The following SCNN1G variants were observed in gnomAD, a reference collection of about 807,000 sequenced individuals.
SCNN1G encodes sodium channel epithelial 1 subunit gamma, also known as epithelial sodium channel subunit gamma.
Under a neutral mutation model 64.6 loss-of-function variants are expected in SCNN1G, and 27 were observed. The observed-to-expected ratio is 0.42, with a 90% CI of 0.31 to 0.58. The LOEUF is 0.58. Among genes scored for constraint, SCNN1G ranks in the 20% least tolerant of loss-of-function variants. The pLI is 0.18. For synonymous variants in SCNN1G, 330 were observed against 314.2 expected (o/e 1.05, Z -0.53); for missense variants, 743 against 823.4 (o/e 0.90, Z 1.19).
rs149635780 is a variant in SCNN1G, at chr16:23,213,273, T to TTTTTA, written c.1493+110_1493+111insTTTTA. 1.2e-4 allele frequency: 81 copies of TTTTTA among 703,570 alleles called. 1 individual carries two copies. Among genetic ancestry groups the TTTTTA allele is most frequent in the Middle Eastern group, 3.2e-4 (1 of 3,106 alleles). 43.6% of individuals were successfully genotyped at this position (703,570 alleles called of 1,614,324 possible). ...TCCTCTTTTTTTTTTTTTTTTTTTT[T>TTTTTA]ATGGAGTCTTACTCTGTCACCCAGG... On this transcript the variant is annotated intron_variant, in intron 11 of 12. Transcript: ENST00000300061.
chr16:23,184,157 T>C (rs1959566913), intron 1 of SCNN1G, among the ~76,000 whole-genome samples: 1 of 151,902 alleles, frequency 6.6e-6, no homozygotes, highest in Non-Finnish European at 1.5e-5. Context: ...ATATTTTATC[T>C]GTTTTGCAAA....
At chr16:23,186,936 C>A (rs956759859) in intron 2 of SCNN1G, among the ~76,000 whole-genome samples, 1 of 151,938 alleles carries the variant, frequency 6.6e-6, no homozygotes, top group Non-Finnish European at 1.5e-5. Context: ...GTAGCTGGGA[C>A]TACAGGGGTG....
chr16:23,211,675 G>A (rs1960081249), intron 7 of SCNN1G, among the ~76,000 whole-genome samples: 1 of 152,050 alleles, frequency 6.6e-6, no homozygotes, highest in Non-Finnish European at 1.5e-5. Flanking sequence ...AGCTGGGCAT[G>A]GTGGTGTGCA....
At chr16:23,201,901 C>G (rs1037945780) in intron 6 of SCNN1G, among the ~76,000 whole-genome samples, 15 of 152,296 alleles carry the variant, frequency 9.8e-5, no homozygotes, top group Admixed American at 5.9e-4. Flanking sequence ...ACAGCAACCT[C>G]GACCACCTGG....
In SCNN1G at chr16:23,215,537, C is replaced by T; in HGVS notation, c.*68C>T. The T allele has an allele frequency of 6.3e-7, 1 of 1,578,596 alleles. No homozygotes were observed. On this transcript the variant is annotated 3_prime_UTR_variant, in exon 13 of 13. Coordinates refer to ENST00000300061, the MANE Select transcript of SCNN1G (RefSeq NM_001039.4). ...GGTCTAAGGACATGGATCGGGTGCC[C>T]CCAGACGTGTGCACAGGGGACCCTC... is the stretch of plus-strand genomic sequence containing the variant.
In SCNN1G at chr16:23,213,166, A is replaced by G; in HGVS notation, c.1493+3A>G. 1.2e-6 allele frequency: 2 copies of G among 1,607,412 alleles called. No individual in the cohort carries two copies. The highest frequency in any genetic ancestry group is 8.5e-7 in the Non-Finnish European group (1 of 1,176,252). On this transcript the variant is annotated splice_donor_region_variant and intron_variant, in intron 11 of 12. Transcript: ENST00000300061. ...CAAGTAAACAAAAAGCTCAACAAGT[A>G]AGTTACCTCTACCCTGTTCCTCTGT...
intron 6 of SCNN1G, among the ~76,000 whole-genome samples, chr16:23,206,444 T>G (rs1234114502): frequency 1.3e-5 from 2 of 152,190 alleles, no homozygotes; most frequent in African/African-American, 4.8e-5. Context: ...CCCTTAGCAC[T>G]GTTTATACCT....
chr16:23,187,818 G>A (rs77291849), intron 2 of SCNN1G, among the ~76,000 whole-genome samples: 8,086 of 152,258 alleles, frequency 0.053, 316 homozygotes, highest in Non-Finnish European at 0.073. Flanking sequence ...AAACTGGTCC[G>A]TGAGGCAGGT....
chr16:23,206,830 T>C (rs1256227965), intron 6 of SCNN1G, among the ~76,000 whole-genome samples: 1 of 152,172 alleles, frequency 6.6e-6, no homozygotes, highest in African/African-American at 2.4e-5. Context: ...CATAAGTGTA[T>C]GCATAGATAC....
intron 6 of SCNN1G, 115 bp downstream of exon 6, chr16:23,197,542 G>A (rs900513725): frequency 1.2e-5 from 11 of 946,042 alleles, no homozygotes; most frequent in Non-Finnish European, 1.7e-5. Flanking sequence ...AGGGAACATG[G>A]TCCCAGATTT....
intron 2 of SCNN1G, 105 bp downstream of exon 2, chr16:23,186,693 C>G: frequency 1.1e-6 from 1 of 952,316 alleles, no homozygotes. Flanking sequence ...TCGATTCCAG[C>G]CTACAAATGT....
intron 1 of SCNN1G, among the ~76,000 whole-genome samples, chr16:23,183,886 C>A (rs1253449181): frequency 2.0e-5 from 3 of 152,252 alleles, no homozygotes; most frequent in East Asian, 3.9e-4. Flanking sequence ...CCCAGCTCAG[C>A]CACTTTCTAG....
chr16:23,184,918 A>G (rs567661420), intron 1 of SCNN1G, among the ~76,000 whole-genome samples: 1 of 152,268 alleles, frequency 6.6e-6, no homozygotes, highest in East Asian at 1.9e-4. Flanking sequence ...CACAGTTTTC[A>G]TATATCCCCC....
At chr16:23,204,084 G>A (rs536183301) in intron 6 of SCNN1G, among the ~76,000 whole-genome samples, 44 of 151,136 alleles carry the variant, frequency 2.9e-4, no homozygotes, top group African/African-American at 1.0e-3. Flanking sequence ...TTTGAGACCA[G>A]TCTGGGCAAT....
At chr16:23,198,753 A>C (rs972021901) in intron 6 of SCNN1G, among the ~76,000 whole-genome samples, 1 of 151,754 alleles carries the variant, frequency 6.6e-6, no homozygotes, top group African/African-American at 2.4e-5. Flanking sequence ...ACAAACAAAC[A>C]AACAAAAACT....
At chr16:23,214,933 C>G (rs957255260) in intron 12 of SCNN1G, 146 bp downstream of exon 12, 2 of 1,115,278 alleles carry the variant, frequency 1.8e-6, no homozygotes, top group African/African-American at 3.1e-5. Context: ...GGTCGGAATG[C>G]ACAGAGTAAG....
At chr16:23,202,566 C>T (rs1050838896) in intron 6 of SCNN1G, among the ~76,000 whole-genome samples, 6 of 152,010 alleles carry the variant, frequency 3.9e-5, no homozygotes, top group African/African-American at 1.5e-4. Context: ...AGAAACTTTT[C>T]AAAAAATCAT....
intron 2 of SCNN1G, among the ~76,000 whole-genome samples, chr16:23,187,183 C>A (rs13339277): frequency 0.013 from 1,997 of 151,218 alleles, 37 homozygotes; most frequent in African/African-American, 0.04. Flanking sequence ...ATCATAGCTC[C>A]CTGCAGCCCC....
intron 5 of SCNN1G, among the ~76,000 whole-genome samples, chr16:23,196,770 A>G (rs1959801537): frequency 6.6e-6 from 1 of 152,074 alleles, no homozygotes; most frequent in African/African-American, 2.4e-5. Flanking sequence ...TACTGTGTTT[A>G]CTCTGGTGCT....
Sources: allele counts gnomAD v4.1 joint callset (sites outside exome capture counted in the v4.1 genomes callset), GRCh38; gene constraint gnomAD v4.1.1; transcripts MANE v1.5; gene names NCBI Gene and HGNC (gene_info 2026-07-23, HGNC 2026-07-21).